CDH12: variants seen among roughly 807,000 people sequenced by gnomAD.
CDH12 encodes cadherin-12.
CDH12 carries 41 observed loss-of-function variants against 74.1 expected under a neutral mutation model. The observed-to-expected ratio is 0.55, with a 90% CI of 0.43 to 0.72. CDH12 has a LOEUF of 0.72. CDH12 is among the 30% of genes least tolerant of loss of function. CDH12 has a pLI of 0.00. For missense variants in CDH12, 945 were observed against 977.2 expected, an observed-to-expected ratio of 0.97 and a Z score of 0.44; for synonymous variants, 399 against 355.0, an observed-to-expected ratio of 1.12 and a Z score of -1.39.
At chr5:22,422,390 T>G (rs576033997) in intron 2 of CDH12, among the ~76,000 whole-genome samples, 1 of 152,298 alleles carries the variant, frequency 6.6e-6, no homozygotes, top group Non-Finnish European at 1.5e-5. Context: ...TGAATCGCAT[T>G]TATTAATTTG....
intron 3 of CDH12, among the ~76,000 whole-genome samples, chr5:22,302,097 A>T (rs1279288695): frequency 1.3e-5 from 2 of 152,160 alleles, no homozygotes; most frequent in Admixed American, 1.3e-4. Flanking sequence ...TTTTAGTTTT[A>T]TATATTACAC....
chr5:22,645,078 C>A lies in CDH12; in HGVS notation c.-522-139714G>T, dbSNP rs148193215. On this transcript the variant is annotated intron_variant, in intron 1 of 14. Coordinates refer to ENST00000382254, the MANE Select transcript of CDH12 (RefSeq NM_004061.5). ...GCTAAGTCAGCATTTATTCTGCAGC[C>A]CATAGTTCAAGAGTAATCTTCACTT... is the stretch of plus-strand genomic sequence containing the variant. Among the ~76,000 whole-genome samples, 549 of 152,046 alleles carry A rather than the reference C, an allele frequency of 3.6e-3. 1 individual carries two copies. The highest frequency in any genetic ancestry group is 0.01 in the African/African-American group (423 of 41,512).
At chr5:22,229,968 CAG>C (rs1236612301) in intron 3 of CDH12, among the ~76,000 whole-genome samples, 3 of 151,922 alleles carry the variant, frequency 2.0e-5, no homozygotes, top group African/African-American at 7.3e-5. Context: ...ATTATTAAAT[CAG>C]TGAAAAATGA....
At chr5:22,132,928 C>G (rs1396813590) in intron 4 of CDH12, among the ~76,000 whole-genome samples, 7 of 152,074 alleles carry the variant, frequency 4.6e-5, no homozygotes, top group Non-Finnish European at 7.4e-5. Context: ...CAGTTTTGAT[C>G]AAACATGTTT....
At chr5:22,019,491 G>A (rs972057377) in intron 5 of CDH12, among the ~76,000 whole-genome samples, 2 of 152,166 alleles carry the variant, frequency 1.3e-5, no homozygotes, top group African/African-American at 4.8e-5. Context: ...ATTAGGTTTA[G>A]ATGAGGTCAT....
At chr5:22,030,423 C>A (rs1738734276) in intron 5 of CDH12, among the ~76,000 whole-genome samples, 1 of 152,080 alleles carries the variant, frequency 6.6e-6, no homozygotes, top group South Asian at 2.1e-4. Context: ...TCTTGGGTGA[C>A]CAGGTGCATT....
chr5:22,338,904 G>A (rs2150452549), intron 3 of CDH12, among the ~76,000 whole-genome samples: 1 of 152,252 alleles, frequency 6.6e-6, no homozygotes, highest in South Asian at 2.1e-4. Flanking sequence ...GGGACCTCCA[G>A]GAGCTAAAGG....
At chr5:22,803,394 A>G (rs1161705086) in intron 1 of CDH12, among the ~76,000 whole-genome samples, 1 of 152,196 alleles carries the variant, frequency 6.6e-6, no homozygotes, top group Admixed American at 6.5e-5. Flanking sequence ...AAATTACCCC[A>G]AAGTAGAGTG....
intron 4 of CDH12, among the ~76,000 whole-genome samples, chr5:22,121,825 A>AAAACCCCT (rs1469495290): frequency 6.6e-6 from 1 of 152,156 alleles, no homozygotes; most frequent in East Asian, 1.9e-4. Flanking sequence ...AGCCCTCTGG[A>AAAACCCCT]AAACCCCTTT....
At chr5:22,617,361 A>G (rs1482633265) in intron 1 of CDH12, among the ~76,000 whole-genome samples, 1 of 152,096 alleles carries the variant, frequency 6.6e-6, no homozygotes, top group South Asian at 2.1e-4. Context: ...CAGTGACCCA[A>G]TCTATAAGAT....
chr5:22,821,456 G>C (rs1749696657), intron 1 of CDH12, among the ~76,000 whole-genome samples: 2 of 152,066 alleles, frequency 1.3e-5, no homozygotes, highest in South Asian at 4.1e-4. Flanking sequence ...TCCCTGTTTG[G>C]AGATGACATG....
At chr5:22,715,169 T>C (rs1743509680) in intron 1 of CDH12, among the ~76,000 whole-genome samples, 1 of 152,196 alleles carries the variant, frequency 6.6e-6, no homozygotes, top group Non-Finnish European at 1.5e-5. Context: ...GATCACAGGG[T>C]TATTTGGCAC....
At chr5:21,925,484 G>A (rs1754545393) in intron 6 of CDH12, among the ~76,000 whole-genome samples, 1 of 152,066 alleles carries the variant, frequency 6.6e-6, no homozygotes, top group East Asian at 1.9e-4. Context: ...TCCCTAGAAT[G>A]TTTCTTTGAT....
At chr5:22,265,215 T>C (rs1753663382) in intron 3 of CDH12, among the ~76,000 whole-genome samples, 1 of 152,126 alleles carries the variant, frequency 6.6e-6, no homozygotes, top group Non-Finnish European at 1.5e-5. Context: ...AGCAGGAGGT[T>C]AGAATGCTTA....
intron 4 of CDH12, among the ~76,000 whole-genome samples, chr5:22,197,319 G>A (rs1377812069): frequency 1.3e-5 from 2 of 152,030 alleles, no homozygotes; most frequent in Admixed American, 6.6e-5. Flanking sequence ...GTGGTGGCAG[G>A]TGCCTGTAGT....
At chr5:22,589,917 A>G (rs1191234346) in intron 1 of CDH12, among the ~76,000 whole-genome samples, 1 of 152,178 alleles carries the variant, frequency 6.6e-6, no homozygotes, top group Non-Finnish European at 1.5e-5. Flanking sequence ...GTTCTAACCC[A>G]CTATTATCCA....
Position 22,588,408 on chromosome 5 carries a change from G to A in CDH12, c.-522-83044C>T, listed in dbSNP as rs528054484. On this transcript the variant is annotated intron_variant, in intron 1 of 14. Transcript: ENST00000382254. ...TATATTTCTTAATTAATTTTCATAC[G>A]CCATTTGTAGAGTTAGCAAAATTTG... Among the ~76,000 whole-genome samples the A allele has an allele frequency of 4.6e-5, 7 of 152,080 alleles. 1 individual carries two copies. The highest frequency in any genetic ancestry group is 2.1e-4 in the South Asian group (1 of 4,822).
chr5:22,486,537 C>T (rs900758993), intron 2 of CDH12, among the ~76,000 whole-genome samples: 3 of 151,262 alleles, frequency 2.0e-5, no homozygotes, highest in East Asian at 3.9e-4. Context: ...CCGGAACCTC[C>T]GCCTCCCAGG....
At chr5:21,914,865 A>C (rs1054323258) in intron 6 of CDH12, among the ~76,000 whole-genome samples, 8 of 152,234 alleles carry the variant, frequency 5.3e-5, no homozygotes, top group Non-Finnish European at 1.0e-4. Context: ...TCATCACATG[A>C]AATGCCAAGT....
Sources: gnomAD v4.1 joint callset for allele counts (sites outside exome capture counted in the v4.1 genomes callset) on GRCh38, gnomAD v4.1.1 for gene constraint, MANE v1.5 for transcripts, NCBI Gene and HGNC (gene_info 2026-07-23, HGNC 2026-07-21) for gene names.